CNTN5: variants seen among roughly 807,000 people sequenced by gnomAD.
The protein encoded by CNTN5 is contactin-5.
A neutral mutation model predicts 129.1 loss-of-function variants in CNTN5; 77 were observed. That is an observed-to-expected ratio of 0.60 (90% CI 0.50 to 0.72). CNTN5 has a LOEUF of 0.72. Ranked by LOEUF, CNTN5 falls within the 30% of genes least tolerant of loss-of-function variation. CNTN5 has a pLI of 0.00. For missense variants in CNTN5, 1,478 were observed against 1,328.8 expected, an observed-to-expected ratio of 1.11 and a Z score of -1.75; for synonymous variants, 509 against 465.6, an observed-to-expected ratio of 1.09 and a Z score of -1.20.
At chr11:99,101,571 A>G (rs1029802159) in intron 1 of CNTN5, among the ~76,000 whole-genome samples, 2 of 152,204 alleles carry the variant, frequency 1.3e-5, no homozygotes, top group African/African-American at 4.8e-5. Context: ...AACCAAAACA[A>G]AGGGGCTACA....
At chr11:100,169,066 A>T (rs1947745090) in intron 13 of CNTN5, among the ~76,000 whole-genome samples, 1 of 151,956 alleles carries the variant, frequency 6.6e-6, no homozygotes. Flanking sequence ...TAAAAGTTGA[A>T]GGGATGAGGA....
intron 2 of CNTN5, among the ~76,000 whole-genome samples, chr11:99,454,945 C>A (rs1277257111): frequency 6.6e-6 from 1 of 151,796 alleles, no homozygotes; most frequent in African/African-American, 2.4e-5. Context: ...AAGCATTGAG[C>A]CAACACAAAG....
chr11:99,558,501 A>G (rs760997379), intron 3 of CNTN5, among the ~76,000 whole-genome samples: 4 of 152,122 alleles, frequency 2.6e-5, no homozygotes, highest in Admixed American at 1.3e-4. Context: ...AATGCTAGAA[A>G]GAAAGAAGGT....
intron 2 of CNTN5, among the ~76,000 whole-genome samples, chr11:99,470,645 A>C (rs1388993002): frequency 2.6e-5 from 4 of 152,124 alleles, no homozygotes; most frequent in Non-Finnish European, 4.4e-5. Flanking sequence ...CAAATAATAC[A>C]CACCTAACTT....
chr11:99,983,538 C>G (rs1230405380), intron 8 of CNTN5, among the ~76,000 whole-genome samples: 1 of 152,084 alleles, frequency 6.6e-6, no homozygotes, highest in Non-Finnish European at 1.5e-5. Flanking sequence ...GTTTGCTGTC[C>G]CTTTTTGCTT....
At chr11:100,020,018 A>G (rs970256665) in intron 9 of CNTN5, among the ~76,000 whole-genome samples, 1 of 151,882 alleles carries the variant, frequency 6.6e-6, no homozygotes, top group South Asian at 2.1e-4. Context: ...TAAGTTTCTT[A>G]TATGTTTTGG....
intron 3 of CNTN5, among the ~76,000 whole-genome samples, chr11:99,637,614 C>T (rs1440037143): frequency 6.6e-6 from 1 of 151,896 alleles, no homozygotes; most frequent in Admixed American, 6.6e-5. Flanking sequence ...GGGCATTTCT[C>T]ATATTCTTTT....
chr11:100,020,597 G>A (rs948022639), intron 9 of CNTN5, among the ~76,000 whole-genome samples: 3 of 152,066 alleles, frequency 2.0e-5, no homozygotes, highest in Non-Finnish European at 4.4e-5. Context: ...GCTCAAGCTT[G>A]CATTGGCTAT....
Position 100,094,714 on chromosome 11 carries a change from G to GA in CNTN5, c.1580+20426dup, listed in dbSNP as rs1248752463. 2.0e-5 allele frequency among the ~76,000 whole-genome samples: 3 copies of GA among 149,696 alleles called. No individual in the cohort carries two copies. The Admixed American group carries it at 2.0e-4, about 10-fold the overall frequency. On this transcript the variant is annotated intron_variant, in intron 13 of 24. Transcript: ENST00000524871. ...TGAAGGAAGGAAAGCAGACCAGGAG[G>GA]AAAAAAGGAAAGAGAGAGACAGGGA...
In CNTN5 at chr11:99,510,980, G is replaced by C. The variant is rs1038828887; in HGVS notation, c.-70-45165G>C. ...ACCTTTCAGTGGAACAAGATGTAAA[G>C]GGGCAAGACAGTGATACTGATGATC... is the stretch of plus-strand genomic sequence containing the variant. On this transcript the variant is annotated intron_variant, in intron 2 of 24. Transcript: ENST00000524871. 2.6e-4 allele frequency among the ~76,000 whole-genome samples: 39 copies of C among 152,216 alleles called. 1 individual carries two copies. The highest frequency in any genetic ancestry group is 2.5e-3 in the Admixed American group (38 of 15,278).
chr11:99,967,798 A>G (rs750139102), intron 8 of CNTN5, among the ~76,000 whole-genome samples: 10 of 151,936 alleles, frequency 6.6e-5, no homozygotes, highest in Non-Finnish European at 1.3e-4. Flanking sequence ...GGGTCTTACT[A>G]CCTCTGTCTT....
chr11:99,606,702 A>G (rs1409685312), intron 3 of CNTN5, among the ~76,000 whole-genome samples: 1 of 141,492 alleles, frequency 7.1e-6, no homozygotes, highest in Non-Finnish European at 1.6e-5. Context: ...AAACTATACT[A>G]CAAGGCTACA....
intron 3 of CNTN5, among the ~76,000 whole-genome samples, chr11:99,645,152 C>T (rs1041900595): frequency 6.3e-5 from 9 of 142,302 alleles, no homozygotes; most frequent in South Asian, 4.7e-4. Context: ...CCCAGCTGCT[C>T]GGGAGGCTGA....
chr11:99,835,032 A>G (rs1947258761), intron 4 of CNTN5, among the ~76,000 whole-genome samples: 1 of 152,068 alleles, frequency 6.6e-6, no homozygotes, highest in African/African-American at 2.4e-5. Context: ...TTGAAGACCT[A>G]TTGCTTCCAT....
chr11:99,353,010 G>A (rs1938405131), intron 2 of CNTN5, among the ~76,000 whole-genome samples: 2 of 152,130 alleles, frequency 1.3e-5, no homozygotes, highest in Admixed American at 6.5e-5. Context: ...TGAATCTCTT[G>A]TCGTTCCTTT....
At chr11:99,252,787 A>G (rs982997984) in intron 1 of CNTN5, among the ~76,000 whole-genome samples, 1 of 151,946 alleles carries the variant, frequency 6.6e-6, no homozygotes, top group African/African-American at 2.4e-5. Context: ...ATATTTCTTT[A>G]TATAGTCTAT....
At chr11:100,244,107 C>G (rs568828384) in intron 16 of CNTN5, among the ~76,000 whole-genome samples, 2 of 152,078 alleles carry the variant, frequency 1.3e-5, no homozygotes, top group African/African-American at 4.8e-5. Flanking sequence ...AATTAAGTAC[C>G]AACTCATTGC....
At chr11:99,039,208 A>G (rs956107174) in intron 1 of CNTN5, among the ~76,000 whole-genome samples, 2 of 152,158 alleles carry the variant, frequency 1.3e-5, no homozygotes, top group African/African-American at 4.8e-5. Flanking sequence ...CAAAATGAAG[A>G]TCTTAAAGAG....
At chr11:100,264,416 G>T (rs893221127) in intron 17 of CNTN5, among the ~76,000 whole-genome samples, 10 of 152,010 alleles carry the variant, frequency 6.6e-5, no homozygotes, top group Non-Finnish European at 1.5e-4. Context: ...AGTATGTGTT[G>T]TTTCTCTCCC....
Sources: allele counts gnomAD v4.1 joint callset (sites outside exome capture counted in the v4.1 genomes callset), GRCh38; gene constraint gnomAD v4.1.1; transcripts MANE v1.5; gene names NCBI Gene and HGNC (gene_info 2026-07-23, HGNC 2026-07-21).